TRPC5: variants seen among roughly 807,000 people sequenced by gnomAD.
The protein encoded by TRPC5 is transient receptor potential cation channel subfamily C member 5, also known as short transient receptor potential channel 5.
TRPC5 carries 9 observed loss-of-function variants against 56.5 expected under a neutral mutation model. The observed-to-expected ratio is 0.16, with a 90% CI of 0.10 to 0.28. The LOEUF (loss-of-function observed/expected upper bound fraction) is 0.28, where lower values mean the gene tolerates loss of function less well. Among genes scored for constraint, TRPC5 ranks in the 10% least tolerant of loss-of-function variants. TRPC5 has a pLI of 1.00. For missense variants in TRPC5, 469 were observed against 748.9 expected, an observed-to-expected ratio of 0.63 and a Z score of 4.36; for synonymous variants, 282 against 278.5, an observed-to-expected ratio of 1.01 and a Z score of -0.13.
At position 111,782,027 on chromosome X, in the gene TRPC5, A is replaced by G; in HGVS notation, c.2008T>C (p.Phe670Leu). The change falls in exon 8 of 11, where the codon TTT (phenylalanine) becomes CTT (leucine). Residue 670 changes from phenylalanine to leucine, a missense_variant. Phe to Leu is a conservative substitution (Grantham distance 22). This residue lies in a region of TRPC5 where 157 missense variants were observed against 360.0 expected (regional missense o/e 0.44). Transcript: ENST00000262839. ...TTGAACCAGTTACCAAGGTATAGAA[A>G]TGACTTGGGGCTGGGGATGATGTTG... ...PFNIIPSPKSFLYLGNWFNNT... is the reference protein window; with the variant it reads ...PFNIIPSPKSLLYLGNWFNNT... 8.3e-7 allele frequency: 1 copy of G among 1,211,570 alleles called. No homozygotes were observed. Among genetic ancestry groups the G allele is most frequent in the Non-Finnish European group, 1.1e-6 (1 of 895,125 alleles).
At position 111,843,427 on chromosome X, in the gene TRPC5, T is replaced by C. The variant is rs1922818324; in HGVS notation, c.1700+3687A>G. Among the ~76,000 whole-genome samples the C allele has an allele frequency of 3.6e-5, 4 of 111,901 alleles. 1 individual carries two copies. The South Asian group carries it at 1.5e-3, about 42-fold the overall frequency. On this transcript the variant is annotated intron_variant, in intron 6 of 10. Transcript: ENST00000262839. ...GGGGTTAGAGTGGATAAGAAAGGCT[T>C]TAGAGCAGGTAGCCCTTTGGCAGCA...
At chrX:111,822,174 T>C (rs959145564) in intron 7 of TRPC5, among the ~76,000 whole-genome samples, 4 of 111,817 alleles carry the variant, frequency 3.6e-5, no homozygotes, top group Non-Finnish European at 7.5e-5. Context: ...GTCTCCAATC[T>C]CTTTTTCTTG....
At chrX:112,010,916 GC>G (rs777591309) in intron 1 of TRPC5, among the ~76,000 whole-genome samples, 141 of 111,943 alleles carry the variant, frequency 1.3e-3, no homozygotes, top group Admixed American at 2.3e-3. Flanking sequence ...ATGTATGGCA[GC>G]CAAACTTCCT....
At chrX:111,927,445 G>A (rs747068603) in intron 2 of TRPC5, among the ~76,000 whole-genome samples, 2 of 112,333 alleles carry the variant, frequency 1.8e-5, no homozygotes, top group Non-Finnish European at 3.8e-5. Context: ...ATGCTGCACT[G>A]CTGAGCTATT....
intron 3 of TRPC5, among the ~76,000 whole-genome samples, chrX:111,861,246 A>G (rs753684123): frequency 1.8e-5 from 2 of 112,229 alleles, no homozygotes; most frequent in South Asian, 3.7e-4. Flanking sequence ...GTTTTGCTTA[A>G]GAGTAGATTA....
intron 1 of TRPC5, among the ~76,000 whole-genome samples, chrX:112,042,057 A>G (rs764454090): frequency 1.8e-5 from 2 of 112,003 alleles, no homozygotes; most frequent in East Asian, 2.8e-4. Context: ...GTCTCAATCC[A>G]CTCAGGAGGA....
At chrX:111,824,380 G>A (rs1308877527) in intron 7 of TRPC5, among the ~76,000 whole-genome samples, 4 of 111,726 alleles carry the variant, frequency 3.6e-5, no homozygotes, top group African/African-American at 1.3e-4. Context: ...ACAAAGTGTT[G>A]TGTATAGTGT....
rs772524220 is a variant in TRPC5 at position 111,880,546 on chromosome X, G to A, written c.901-26440C>T. ...TACAAACTTCAGTTAGTCCATGCAGGACTGATACCTAAGTCACTGTGTACT... is the reference window on the plus strand; with the variant it reads ...TACAAACTTCAGTTAGTCCATGCAGAACTGATACCTAAGTCACTGTGTACT... On this transcript the variant is annotated intron_variant, in intron 3 of 10. Transcript: ENST00000262839. Among the ~76,000 whole-genome samples the A allele has an allele frequency of 2.9e-3, 326 of 112,339 alleles. 1 individual carries two copies. The highest frequency in any genetic ancestry group is 0.014 in the Middle Eastern group (3 of 217).
chrX:111,804,593 T>C (rs1318016755), intron 7 of TRPC5, among the ~76,000 whole-genome samples: 1 of 111,443 alleles, frequency 9.0e-6, no homozygotes, highest in Non-Finnish European at 1.9e-5. Flanking sequence ...GATTCCTAGG[T>C]ATTTTATTCT....
At chrX:111,873,280 A>G (rs139856875) in intron 3 of TRPC5, among the ~76,000 whole-genome samples, 4,474 of 111,623 alleles carry the variant, frequency 0.04, 214 homozygotes, top group African/African-American at 0.14. Flanking sequence ...GTTCTCACTT[A>G]TGAGTGGGAG....
chrX:111,866,913 G>A (rs1443031373), intron 3 of TRPC5, among the ~76,000 whole-genome samples: 1 of 112,186 alleles, frequency 8.9e-6, no homozygotes, highest in Admixed American at 9.4e-5. Flanking sequence ...CAAGATTAAT[G>A]TGATTCAGTT....
At chrX:112,073,458 C>T (rs763700993) in intron 1 of TRPC5, among the ~76,000 whole-genome samples, 4 of 108,709 alleles carry the variant, frequency 3.7e-5, no homozygotes, top group East Asian at 5.7e-4. Flanking sequence ...TTAGTAGAGA[C>T]GGGGTTTCAC....
At chrX:112,064,920 A>G (rs979521695) in intron 1 of TRPC5, among the ~76,000 whole-genome samples, 4 of 110,128 alleles carry the variant, frequency 3.6e-5, no homozygotes, top group Non-Finnish European at 7.6e-5. Flanking sequence ...TAAAAATACA[A>G]AAAATTAGCC....
chrX:112,006,388 T>C (rs141029515), intron 1 of TRPC5, among the ~76,000 whole-genome samples: 3 of 112,153 alleles, frequency 2.7e-5, no homozygotes, highest in African/African-American at 9.7e-5. Flanking sequence ...GCCGGCCAGA[T>C]ACTATGCTTA....
intron 1 of TRPC5, among the ~76,000 whole-genome samples, chrX:111,969,241 G>A (rs949008995): frequency 9.0e-6 from 1 of 111,102 alleles, no homozygotes; most frequent in Non-Finnish European, 1.9e-5. Context: ...ATTAAGGTTT[G>A]TATATTGTTT....
intron 3 of TRPC5, among the ~76,000 whole-genome samples, chrX:111,868,351 G>A (rs963581985): frequency 8.9e-6 from 1 of 112,298 alleles, no homozygotes; most frequent in African/African-American, 3.2e-5. Flanking sequence ...ACCCTGCTCA[G>A]TCCACCCTGT....
At chrX:111,971,261 C>CATT (rs1222571105) in intron 1 of TRPC5, among the ~76,000 whole-genome samples, 2 of 111,465 alleles carry the variant, frequency 1.8e-5, no homozygotes, top group Non-Finnish European at 3.8e-5. Flanking sequence ...AAGGAGGGCA[C>CATT]ATTTATCAGT....
chrX:111,992,588 CATT>C (rs534660293), intron 1 of TRPC5, among the ~76,000 whole-genome samples: 5,082 of 104,931 alleles, frequency 0.048, 328 homozygotes, highest in African/African-American at 0.17. Flanking sequence ...TTTTTTAAAA[CATT>C]ATTATTATTA....
chrX:111,821,669 A>G (rs886159233), intron 7 of TRPC5, among the ~76,000 whole-genome samples: 1 of 112,053 alleles, frequency 8.9e-6, no homozygotes, highest in Admixed American at 9.5e-5. Context: ...TCTCAGAAAT[A>G]AATAAAGTTT....
Sources: allele counts gnomAD v4.1 joint callset (sites outside exome capture counted in the v4.1 genomes callset), GRCh38; gene constraint gnomAD v4.1.1; regional missense constraint gnomAD v4.1.1; transcripts MANE v1.5; gene names NCBI Gene and HGNC (gene_info 2026-07-23, HGNC 2026-07-21).